MACROD2: variants seen among roughly 807,000 people sequenced by gnomAD.
The protein encoded by MACROD2 is ADP-ribose glycohydrolase MACROD2.
MACROD2 carries 36 observed loss-of-function variants against 70.4 expected under a neutral mutation model. The observed-to-expected ratio is 0.51, with a 90% CI of 0.39 to 0.68. The LOEUF is 0.68. MACROD2 is among the 30% of genes least tolerant of loss of function. MACROD2 has a pLI of 0.00. For synonymous variants in MACROD2, 172 were observed against 178.8 expected (o/e 0.96, Z 0.30); for missense variants, 496 against 538.4 (o/e 0.92, Z 0.78).
At chr20:15,372,615 T>G (rs140026513) in intron 6 of MACROD2, among the ~76,000 whole-genome samples, 60 of 152,330 alleles carry the variant, frequency 3.9e-4, no homozygotes, top group Middle Eastern at 3.4e-3. Flanking sequence ...AATTATGTGT[T>G]GCCAAAATAC....
chr20:14,936,074 G>C (rs2074338073), intron 5 of MACROD2, among the ~76,000 whole-genome samples: 1 of 151,990 alleles, frequency 6.6e-6, no homozygotes, highest in South Asian at 2.1e-4. Context: ...TTTCAGTGGG[G>C]GATGCAGACT....
intron 6 of MACROD2, among the ~76,000 whole-genome samples, chr20:15,231,622 A>G (rs2076959704): frequency 6.6e-6 from 1 of 152,084 alleles, no homozygotes; most frequent in South Asian, 2.1e-4. Context: ...TATAAAAATA[A>G]CATTCAACCT....
chr20:15,070,616 T>C (rs2075611461), intron 5 of MACROD2, among the ~76,000 whole-genome samples: 1 of 152,120 alleles, frequency 6.6e-6, no homozygotes, highest in South Asian at 2.1e-4. Flanking sequence ...TAAAAGAGCC[T>C]GGCACCTCCT....
At chr20:14,546,668 C>T (rs2085494425) in intron 4 of MACROD2, among the ~76,000 whole-genome samples, 1 of 152,096 alleles carries the variant, frequency 6.6e-6, no homozygotes, top group South Asian at 2.1e-4. Flanking sequence ...CTTTTGATCC[C>T]AACTTTCCCT....
chr20:14,771,301 G>A lies in MACROD2; in HGVS notation c.418+86342G>A, dbSNP rs112669075. Among the ~76,000 whole-genome samples the A allele has an allele frequency of 2.0e-5, 3 of 152,036 alleles. No homozygotes were observed. The Middle Eastern group carries it at 0.01, about 517-fold the overall frequency. ...TTTTTTAACCTCCATAATTACGGTA[G>A]CCAATTTCTATTGGCTTTGCTTCTA... On this transcript the variant is annotated intron_variant, in intron 5 of 17. Transcript: ENST00000684519.
chr20:15,381,689 T>C (rs148735835), intron 6 of MACROD2, among the ~76,000 whole-genome samples: 51 of 151,964 alleles, frequency 3.4e-4, no homozygotes, highest in African/African-American at 1.2e-3. Flanking sequence ...ACAAAAAATC[T>C]AAAAGGTGAC....
intron 5 of MACROD2, among the ~76,000 whole-genome samples, chr20:14,806,475 CA>C (rs2122157757): frequency 6.6e-6 from 1 of 152,136 alleles, no homozygotes; most frequent in African/African-American, 2.4e-5. Context: ...GTGCCTATAC[CA>C]CCAGGGCCCT....
chr20:14,278,560 C>G lies in MACROD2; in HGVS notation c.271+192832C>G, dbSNP rs762484206. On this transcript the variant is annotated intron_variant, in intron 3 of 17. Coordinates refer to ENST00000684519, the MANE Select transcript of MACROD2 (RefSeq NM_001351661.2). ...GCAATATTTTTTCTTCTTCCTTAAA[C>G]TAATTGGTTGTGCGAAAACATGTGG... Among the ~76,000 whole-genome samples, 30 of 152,210 alleles carry G rather than the reference C, an allele frequency of 2.0e-4. No homozygotes were observed. In the Middle Eastern group the frequency reaches 0.024, roughly 121 times the overall value.
chr20:15,363,434 G>C (rs1352025635), intron 6 of MACROD2, among the ~76,000 whole-genome samples: 1 of 152,172 alleles, frequency 6.6e-6, no homozygotes, highest in Non-Finnish European at 1.5e-5. Context: ...GTTTCGAAAG[G>C]CACCATGGCA....
intron 4 of MACROD2, among the ~76,000 whole-genome samples, chr20:14,586,862 T>C (rs1477040395): frequency 1.3e-5 from 2 of 152,048 alleles, no homozygotes; most frequent in Non-Finnish European, 2.9e-5. Context: ...TTAGTTACTA[T>C]AGCCTCATAA....
At chr20:15,418,433 G>T (rs1287142300) in intron 6 of MACROD2, among the ~76,000 whole-genome samples, 1 of 152,194 alleles carries the variant, frequency 6.6e-6, no homozygotes, top group East Asian at 1.9e-4. Context: ...ATGGTTGATT[G>T]CTCTATCCAT....
chr20:14,646,843 C>T lies in MACROD2; in HGVS notation c.302-38000C>T, dbSNP rs760537937. ...GTACTGTATAATTGTATTTCTTTAC[C>T]ATGTCGACTTCCTGTCTCTTAAAAC... On this transcript the variant is annotated intron_variant, in intron 4 of 17. Transcript: ENST00000684519. Among the ~76,000 whole-genome samples the T allele has an allele frequency of 3.3e-4, 50 of 151,958 alleles. 2 individuals carry two copies. The highest frequency in any genetic ancestry group is 1.3e-4 in the Non-Finnish European group (9 of 67,990).
intron 3 of MACROD2, among the ~76,000 whole-genome samples, chr20:14,441,702 C>G (rs17226999): frequency 0.16 from 23,595 of 152,058 alleles, 2,601 homozygotes; most frequent in Non-Finnish European, 0.23. Flanking sequence ...TTCTGATACC[C>G]AAATGGCCTG....
At chr20:15,309,451 G>A (rs2077730185) in intron 6 of MACROD2, among the ~76,000 whole-genome samples, 1 of 152,206 alleles carries the variant, frequency 6.6e-6, no homozygotes, top group African/African-American at 2.4e-5. Flanking sequence ...CTAGCACCTT[G>A]TGTTGCTGAG....
At chr20:14,938,008 T>G (rs867026264) in intron 5 of MACROD2, among the ~76,000 whole-genome samples, 4,314 of 150,816 alleles carry the variant, frequency 0.029, 72 homozygotes, top group Non-Finnish European at 0.034. Flanking sequence ...AACAAGTTTT[T>G]TTTTTTTTTT....
chr20:14,824,749 T>C (rs2072883506), intron 5 of MACROD2, among the ~76,000 whole-genome samples: 1 of 152,046 alleles, frequency 6.6e-6, no homozygotes. Context: ...CCATGGCAAT[T>C]GGGAGGGGCT....
chr20:15,953,897 A>G (rs1394648860), intron 12 of MACROD2, among the ~76,000 whole-genome samples: 2 of 152,130 alleles, frequency 1.3e-5, no homozygotes, highest in Non-Finnish European at 2.9e-5. Context: ...GAATGTCACA[A>G]TGGAGGTTCA....
At chr20:15,136,093 T>C (rs2076145490) in intron 5 of MACROD2, among the ~76,000 whole-genome samples, 1 of 150,754 alleles carries the variant, frequency 6.6e-6, no homozygotes, top group South Asian at 2.1e-4. Flanking sequence ...CATTCCATGC[T>C]CATGGATAGG....
At chr20:15,583,872 C>A (rs1393219008) in intron 8 of MACROD2, among the ~76,000 whole-genome samples, 3 of 152,188 alleles carry the variant, frequency 2.0e-5, no homozygotes, top group Non-Finnish European at 4.4e-5. Flanking sequence ...AAACTCCAGA[C>A]CTCAAGGCCA....
Sources: allele counts gnomAD v4.1 joint callset (sites outside exome capture counted in the v4.1 genomes callset), GRCh38; gene constraint gnomAD v4.1.1; transcripts MANE v1.5; gene names NCBI Gene and HGNC (gene_info 2026-07-23, HGNC 2026-07-21).